Variants in TMEM74 observed in about 807,000 individuals in gnomAD.
TMEM74 encodes transmembrane protein 74.
In TMEM74, 13 loss-of-function variants were observed where a neutral mutation model predicts 18.1. The observed-to-expected ratio is 0.72, with a 90% CI of 0.47 to 1.14. The LOEUF is 1.14. TMEM74 is among the 50% of genes most tolerant of loss of function. The pLI, the probability that TMEM74 is intolerant of heterozygous loss-of-function variation, is 0.00. For missense variants in TMEM74, 372 were observed against 375.9 expected (o/e 0.99, Z 0.09); for synonymous variants, 159 against 146.6 (o/e 1.08, Z -0.61).
intron 2 of TMEM74, among the ~76,000 whole-genome samples, chr8:108,653,932 G>A (rs139994909): frequency 1.9e-3 from 287 of 152,072 alleles, no homozygotes; most frequent in Non-Finnish European, 3.1e-3. Context: ...TGGGAATTTT[G>A]TCGTGTTTGT....
At chr8:108,659,776 GT>G (rs1032009279) in intron 1 of TMEM74, among the ~76,000 whole-genome samples, 35 of 152,158 alleles carry the variant, frequency 2.3e-4, no homozygotes, top group African/African-American at 8.2e-4. Flanking sequence ...AGCTGGGAAT[GT>G]TGTCAGCAAG....
chr8:108,776,317 A>T (rs1009990367), downstream of TMEM74, among the ~76,000 whole-genome samples: 1 of 152,178 alleles, frequency 6.6e-6, no homozygotes, highest in African/African-American at 2.4e-5. Context: ...ACATGGTGAA[A>T]CTCTGTCTCT....
intron 2 of TMEM74, among the ~76,000 whole-genome samples, chr8:108,615,970 A>T (rs2130538088): frequency 6.6e-6 from 1 of 152,058 alleles, no homozygotes; most frequent in Non-Finnish European, 1.5e-5. Context: ...TATTTTTAGT[A>T]GAGACGGGGT....
chr8:108,688,895 C>T (rs1563526533), intron 1 of TMEM74, among the ~76,000 whole-genome samples: 1 of 152,160 alleles, frequency 6.6e-6, no homozygotes, highest in Non-Finnish European at 1.5e-5. Flanking sequence ...TATCTAAAAG[C>T]AAACTGTCTC....
At chr8:108,634,403 C>T (rs1229183568) in intron 2 of TMEM74, among the ~76,000 whole-genome samples, 5 of 152,000 alleles carry the variant, frequency 3.3e-5, no homozygotes, top group Admixed American at 6.6e-5. Context: ...CCTATTTCCC[C>T]CTATAAATTA....
intron 1 of TMEM74, among the ~76,000 whole-genome samples, chr8:108,656,934 TC>T (rs1812826481): frequency 1.3e-5 from 2 of 152,162 alleles, no homozygotes; most frequent in South Asian, 4.1e-4. Flanking sequence ...AAAAATTTTT[TC>T]CAGAAGCCAT....
intron 1 of TMEM74, among the ~76,000 whole-genome samples, chr8:108,708,091 T>C (rs973153670): frequency 1.3e-5 from 2 of 152,148 alleles, no homozygotes; most frequent in African/African-American, 4.8e-5. Flanking sequence ...GAGTACCCAA[T>C]GTTTAGCTCC....
intron 1 of TMEM74, among the ~76,000 whole-genome samples, chr8:108,697,135 C>G (rs1249576856): frequency 6.6e-6 from 1 of 152,106 alleles, no homozygotes; most frequent in African/African-American, 2.4e-5. Flanking sequence ...CCACGGTGAT[C>G]TTCTAGAAGA....
At chr8:108,708,039 C>T (rs577221734) in intron 1 of TMEM74, among the ~76,000 whole-genome samples, 4 of 152,248 alleles carry the variant, frequency 2.6e-5, no homozygotes, top group African/African-American at 9.6e-5. Flanking sequence ...CCACCATCCA[C>T]CCTAAAGTAG....
At chr8:108,698,519 G>A (rs577451992) in intron 1 of TMEM74, among the ~76,000 whole-genome samples, 2 of 152,308 alleles carry the variant, frequency 1.3e-5, no homozygotes, top group East Asian at 3.9e-4. Flanking sequence ...GGTATGCTTA[G>A]GACAGTGGAT....
chr8:108,766,791 C>G (rs929901288), intron 1 of TMEM74, among the ~76,000 whole-genome samples: 1 of 152,124 alleles, frequency 6.6e-6, no homozygotes, highest in Non-Finnish European at 1.5e-5. Context: ...AAGCCGCCAG[C>G]GCAGCTTTCA....
chr8:108,746,416 T>C (rs1353662187), intron 1 of TMEM74, among the ~76,000 whole-genome samples: 1 of 152,122 alleles, frequency 6.6e-6, no homozygotes, highest in Non-Finnish European at 1.5e-5. Context: ...GAGCTGTGAT[T>C]GTCTGCTTAG....
chr8:108,706,549 A>T (rs1444675995), intron 1 of TMEM74, among the ~76,000 whole-genome samples: 1 of 152,218 alleles, frequency 6.6e-6, no homozygotes, highest in Non-Finnish European at 1.5e-5. Flanking sequence ...GGTGGTGGGA[A>T]TCATTGACCC....
At chr8:108,696,428 A>G (rs1813282291) in intron 1 of TMEM74, among the ~76,000 whole-genome samples, 1 of 152,236 alleles carries the variant, frequency 6.6e-6, no homozygotes, top group African/African-American at 2.4e-5. Context: ...TGTTCATGAG[A>G]TGCCATTTGA....
intron 1 of TMEM74, among the ~76,000 whole-genome samples, chr8:108,730,504 G>A (rs780400249): frequency 6.6e-6 from 1 of 151,946 alleles, no homozygotes; most frequent in Non-Finnish European, 1.5e-5. Context: ...AGAAATTGCC[G>A]TTTCCCCTGT....
At chr8:108,643,637 A>G (rs532647589) in intron 2 of TMEM74, among the ~76,000 whole-genome samples, 93 of 152,040 alleles carry the variant, frequency 6.1e-4, no homozygotes, top group African/African-American at 2.2e-3. Flanking sequence ...GCACTTTGGG[A>G]GGCTCAGGTG....
At chr8:108,679,149 G>A (rs1813087168) in intron 1 of TMEM74, among the ~76,000 whole-genome samples, 1 of 152,012 alleles carries the variant, frequency 6.6e-6, no homozygotes, top group East Asian at 1.9e-4. Flanking sequence ...GTCTATTGTT[G>A]TTGGACATTT....
intron 2 of TMEM74, among the ~76,000 whole-genome samples, chr8:108,640,638 A>AT (rs1022852785): frequency 2.6e-5 from 4 of 151,486 alleles, no homozygotes; most frequent in Admixed American, 6.6e-5. Context: ...AGATTAGCAA[A>AT]TTTTTTTTTG....
Position 108,611,906 on chromosome 8 carries a change from T to A in TMEM74, n.265-3080A>T, listed in dbSNP as rs556529271. Reference sequence around the variant, plus strand: ...GGTTGAATTGACTCACAGTTCTGCATGGCTTGGAAAGCCTCAGGAAACTTA... The same window carrying A: ...GGTTGAATTGACTCACAGTTCTGCAAGGCTTGGAAAGCCTCAGGAAACTTA... On this transcript the variant is annotated intron_variant and non_coding_transcript_variant, in intron 2 of 3. Coordinates refer to the TMEM74 transcript ENST00000518838. 3.9e-5 allele frequency among the ~76,000 whole-genome samples: 6 copies of A among 152,348 alleles called. No individual in the cohort carries two copies. In the East Asian group the frequency reaches 1.2e-3, roughly 29 times the overall value.
Sources: allele counts gnomAD v4.1 joint callset (sites outside exome capture counted in the v4.1 genomes callset), GRCh38; gene constraint gnomAD v4.1.1; transcripts MANE v1.5; gene names NCBI Gene and HGNC (gene_info 2026-07-23, HGNC 2026-07-21).